Variants in MMP16 observed in about 807,000 individuals in gnomAD.
MMP16 encodes the protein matrix metallopeptidase 16.
In MMP16, 12 loss-of-function variants were observed where a neutral mutation model predicts 67.8. That is an observed-to-expected ratio of 0.18 (90% confidence interval 0.11 to 0.29). The LOEUF (loss-of-function observed/expected upper bound fraction) is 0.29, where lower values mean the gene tolerates loss of function less well. Among genes scored for constraint, MMP16 ranks in the 10% least tolerant of loss-of-function variants. The pLI, the probability that MMP16 is intolerant of heterozygous loss-of-function variation, is 1.00. For missense variants in MMP16, 475 were observed against 765.7 expected (o/e 0.62, Z 4.48); for synonymous variants, 249 against 255.9 (o/e 0.97, Z 0.26).
chr8:88,116,964 TTAA>T (rs1031380076), intron 5 of MMP16, among the ~76,000 whole-genome samples: 3 of 152,254 alleles, frequency 2.0e-5, no homozygotes, highest in Non-Finnish European at 2.9e-5. Context: ...TTGTTAATTT[TTAA>T]TAATATTTTT....
Position 88,165,123 on chromosome 8 carries a change from G to T in MMP16, c.709+2546C>A, listed in dbSNP as rs534226261. On this transcript the variant is annotated intron_variant, in intron 4 of 9. Coordinates refer to ENST00000286614, the MANE Select transcript of MMP16 (RefSeq NM_005941.5). The stretch of plus-strand genomic sequence containing the variant: ...CTCAGGAAGTTAAGGTAGGAGGATT[G>T]CTTCAGCCCAAGAGTTCAAGTCCAG... 2.1e-5 allele frequency among the ~76,000 whole-genome samples: 3 copies of T among 144,630 alleles called. No individual in the cohort carries two copies. In the East Asian group the frequency reaches 6.1e-4, roughly 29 times the overall value. 94.9% of individuals were successfully genotyped at this position (144,630 alleles called of 152,430 possible).
chr8:88,201,182 T>G (rs1238882301), intron 1 of MMP16, among the ~76,000 whole-genome samples: 1 of 142,720 alleles, frequency 7.0e-6, no homozygotes, highest in Non-Finnish European at 1.5e-5. Flanking sequence ...AATAAGTGAA[T>G]AGGTGATTAA....
chr8:88,316,356 G>A (rs1358644264), intron 1 of MMP16, among the ~76,000 whole-genome samples: 1 of 152,160 alleles, frequency 6.6e-6, no homozygotes, highest in African/African-American at 2.4e-5. Context: ...TGGCATCAGA[G>A]CTTCAAAGGA....
At chr8:88,107,456 T>C (rs1474573304) in intron 6 of MMP16, among the ~76,000 whole-genome samples, 1 of 151,154 alleles carries the variant, frequency 6.6e-6, no homozygotes, top group Non-Finnish European at 1.5e-5. Flanking sequence ...TCATTACTTC[T>C]CTATTTTTAT....
chr8:88,078,075 T>C (rs1003510254), intron 6 of MMP16, among the ~76,000 whole-genome samples: 1 of 152,014 alleles, frequency 6.6e-6, no homozygotes, highest in African/African-American at 2.4e-5. Context: ...TCCCTCCCTC[T>C]TTGTTTTCTT....
chr8:88,199,207 C>A (rs765646331), intron 1 of MMP16, among the ~76,000 whole-genome samples: 1 of 151,888 alleles, frequency 6.6e-6, no homozygotes, highest in Non-Finnish European at 1.5e-5. Context: ...AACAATAAAC[C>A]CTATGACTTA....
chr8:88,165,922 C>A (rs1808703880), intron 4 of MMP16, among the ~76,000 whole-genome samples: 1 of 152,078 alleles, frequency 6.6e-6, no homozygotes, highest in Non-Finnish European at 1.5e-5. Flanking sequence ...CAAACCTGTT[C>A]TTAAAAATGT....
chr8:88,304,602 G>A (rs897406813), intron 1 of MMP16, among the ~76,000 whole-genome samples: 1 of 152,240 alleles, frequency 6.6e-6, no homozygotes, highest in East Asian at 1.9e-4. Context: ...AGGCCTCTTA[G>A]TGGAAACCCT....
At chr8:88,227,567 A>C (rs952153078) in intron 1 of MMP16, among the ~76,000 whole-genome samples, 8 of 152,026 alleles carry the variant, frequency 5.3e-5, no homozygotes, top group Non-Finnish European at 1.5e-5. Flanking sequence ...GTCAAGGCTC[A>C]GGCGATGGTA....
chr8:88,069,452 T>G (rs1279399661), intron 7 of MMP16: 4 of 531,806 alleles, frequency 7.5e-6, no homozygotes, highest in Admixed American at 3.9e-5. Context: ...ACTGCCTTTG[T>G]TCTAGAATCC....
intron 1 of MMP16, among the ~76,000 whole-genome samples, chr8:88,300,832 T>TG (rs1194556221): frequency 6.6e-6 from 1 of 152,082 alleles, no homozygotes; most frequent in Non-Finnish European, 1.5e-5. Context: ...GCCCTTTTTT[T>TG]TTAAGAGCCT....
intron 4 of MMP16, among the ~76,000 whole-genome samples, chr8:88,157,066 A>G (rs1319097555): frequency 2.0e-5 from 3 of 152,152 alleles, no homozygotes; most frequent in Admixed American, 6.6e-5. Context: ...ATGTGATCAT[A>G]GTATTGCACT....
At chr8:88,254,541 T>G (rs1252029820) in intron 1 of MMP16, among the ~76,000 whole-genome samples, 1 of 151,500 alleles carries the variant, frequency 6.6e-6, no homozygotes, top group Non-Finnish European at 1.5e-5. Flanking sequence ...GTGAGCCACA[T>G]GCATGGCAAA....
intron 1 of MMP16, among the ~76,000 whole-genome samples, chr8:88,297,616 G>A (rs78672663): frequency 1.3e-5 from 2 of 152,180 alleles, no homozygotes; most frequent in African/African-American, 4.8e-5. Context: ...CTGATTCTCA[G>A]CCAGACTCTA....
chr8:88,139,915 T>C (rs1051906768), intron 4 of MMP16, among the ~76,000 whole-genome samples: 13 of 152,198 alleles, frequency 8.5e-5, no homozygotes, highest in Non-Finnish European at 8.8e-5. Flanking sequence ...AACCTTCTTT[T>C]CTTTTTTTAG....
rs570501960 is a variant in MMP16 at position 88,320,377 on chromosome 8, A to G, written c.132+6698T>C. Among the ~76,000 whole-genome samples the G allele has an allele frequency of 2.6e-5, 4 of 152,266 alleles. No homozygotes were observed. In the South Asian group the frequency reaches 8.3e-4, roughly 32 times the overall value. On this transcript the variant is annotated intron_variant, in intron 1 of 9. Coordinates refer to ENST00000286614, the MANE Select transcript of MMP16 (RefSeq NM_005941.5). ...TAATCTATAAAACCACAATTATTTC[A>G]TTAGTTATTTTAGTTAAAACAGGAA...
chr8:88,092,134 A>T (rs561495104), intron 6 of MMP16, among the ~76,000 whole-genome samples: 1 of 151,996 alleles, frequency 6.6e-6, no homozygotes, highest in African/African-American at 2.4e-5. Flanking sequence ...GTAACTACTG[A>T]TAAAAAATTT....
At chr8:88,263,393 C>G (rs993968997) in intron 1 of MMP16, among the ~76,000 whole-genome samples, 22 of 152,102 alleles carry the variant, frequency 1.4e-4, no homozygotes, top group Non-Finnish European at 2.6e-4. Context: ...TACAGGAAAG[C>G]CAAGGCAGAG....
intron 6 of MMP16, among the ~76,000 whole-genome samples, chr8:88,092,353 T>C (rs1808952299): frequency 6.6e-6 from 1 of 151,928 alleles, no homozygotes; most frequent in Non-Finnish European, 1.5e-5. Context: ...TGTTTAAACC[T>C]CAGCTAAAAT....
Sources: gnomAD v4.1 joint callset for allele counts (sites outside exome capture counted in the v4.1 genomes callset) on GRCh38, gnomAD v4.1.1 for gene constraint, MANE v1.5 for transcripts, NCBI Gene and HGNC (gene_info 2026-07-23, HGNC 2026-07-21) for gene names.